Variants in PDE2A observed in about 807,000 individuals in gnomAD.
The protein encoded by PDE2A is phosphodiesterase 2A, also known as cGMP-dependent 3',5'-cyclic phosphodiesterase.
In PDE2A, 53 loss-of-function variants were observed where a neutral mutation model predicts 133.6. The observed-to-expected ratio is 0.40, with a 90% CI of 0.32 to 0.50. The LOEUF is 0.50. Among genes scored for constraint, PDE2A ranks in the 20% least tolerant of loss-of-function variants. The pLI is 0.73. For missense variants in PDE2A, 796 were observed against 1,232.4 expected, an observed-to-expected ratio of 0.65 and a Z score of 5.30; for synonymous variants, 491 against 490.2, an observed-to-expected ratio of 1.00 and a Z score of -0.02.
At chr11:72,668,196 C>T (rs1855292664) in intron 1 of PDE2A, 2 of 714,168 alleles carry the variant, frequency 2.8e-6, no homozygotes, top group Non-Finnish European at 2.6e-6. Flanking sequence ...TAGTTGTCCA[C>T]ATCTTGCCTG....
rs1246704238 is a variant in PDE2A at position 72,584,320 on chromosome 11, A to C, written c.1538-7T>G. The C allele has an allele frequency of 6.3e-7, 1 of 1,575,792 alleles. No individual in the cohort carries two copies. The highest frequency in any genetic ancestry group is 1.7e-5 in the Admixed American group (1 of 59,912). On this transcript the variant is annotated splice_polypyrimidine_tract_variant and splice_region_variant and intron_variant, in intron 18 of 30. Transcript: ENST00000334456. The stretch of plus-strand genomic sequence containing the variant: ...TCGGCCACACCGATGACCTCTGGGG[A>C]AGGGAGAGGGGCAAGGAACCACCGG...
chr11:72,584,547 G>A lies in PDE2A; in HGVS notation c.1537+4C>T. The A allele has an allele frequency of 3.7e-6, 6 of 1,602,268 alleles. No homozygotes were observed. Among genetic ancestry groups the A allele is most frequent in the Non-Finnish European group, 5.1e-6 (6 of 1,175,368 alleles). On this transcript the variant is annotated splice_donor_region_variant and intron_variant, in intron 18 of 30. Coordinates refer to ENST00000334456, the MANE Select transcript of PDE2A (RefSeq NM_002599.5). Reference sequence around the variant, plus strand: ...CGCCCCTCCGCCCGGGCCGCCACGCGCACCCTGGTTCTCGTTCTTGATGGG... The same window carrying A: ...CGCCCCTCCGCCCGGGCCGCCACGCACACCCTGGTTCTCGTTCTTGATGGG...
intron 4 of PDE2A, chr11:72,598,961 G>A (rs1856609852): frequency 1.0e-6 from 1 of 985,248 alleles, no homozygotes. Context: ...GAGGGACGTA[G>A]GGTGGCAGGA....
At chr11:72,620,133 A>G (rs945008148) in intron 2 of PDE2A, among the ~76,000 whole-genome samples, 1 of 152,202 alleles carries the variant, frequency 6.6e-6, no homozygotes, top group African/African-American at 2.4e-5. Flanking sequence ...TTGGCCTTGC[A>G]GGTGACCAAG....
chr11:72,581,215 C>CA, intron 23 of PDE2A, 142 bp downstream of exon 23: 1 of 867,216 alleles, frequency 1.2e-6, no homozygotes, highest in East Asian at 2.6e-5. Flanking sequence ...ATGGGGCTCA[C>CA]AGCCTTCCCC....
Position 72,590,713 on chromosome 11 carries a change from C to T in PDE2A, c.550-133G>A. The stretch of plus-strand genomic sequence containing the variant: ...GGGACCCCGCCGCCGTCCCAAACAC[C>T]TCATCCCTGGACTCTACCTTCCTGA... On this transcript the variant is annotated intron_variant, in intron 7 of 30. Coordinates refer to ENST00000334456, the MANE Select transcript of PDE2A (RefSeq NM_002599.5). The surrounding 1 kb of genome is among the most constrained non-coding windows in gnomAD (Gnocchi z 4.8). The T allele has an allele frequency of 1.2e-6, 1 of 833,520 alleles. No individual in the cohort carries two copies. The highest frequency in any genetic ancestry group is 1.7e-6 in the Non-Finnish European group (1 of 589,238). 51.6% of individuals were successfully genotyped at this position (833,520 alleles called of 1,614,324 possible). A position where few individuals can be genotyped will look rare whatever the true frequency, so the allele number is the denominator to read the frequency against.
intron 2 of PDE2A, among the ~76,000 whole-genome samples, chr11:72,611,445 A>G (rs1857207592): frequency 6.6e-6 from 1 of 152,130 alleles, no homozygotes; most frequent in Non-Finnish European, 1.5e-5. Context: ...GGACTCCTCA[A>G]CCTGCCCTTT....
chr11:72,634,786 C>G (rs1277931487), intron 2 of PDE2A, among the ~76,000 whole-genome samples: 2 of 152,240 alleles, frequency 1.3e-5, no homozygotes, highest in Admixed American at 6.5e-5. Flanking sequence ...TTCCTTGACC[C>G]CTTCTCACTG....
chr11:72,599,092 C>T (rs530952795), intron 4 of PDE2A: 1,276 of 951,212 alleles, frequency 1.3e-3, no homozygotes, highest in Non-Finnish European at 1.5e-3. Flanking sequence ...TCTGGTTAAC[C>T]GGAGGCCACA....
At chr11:72,645,217 G>T (rs896969169) in intron 1 of PDE2A, among the ~76,000 whole-genome samples, 1 of 152,162 alleles carries the variant, frequency 6.6e-6, no homozygotes, top group Non-Finnish European at 1.5e-5. Flanking sequence ...CTGTGCCATA[G>T]ACTTGCTGTG....
At chr11:72,673,155 A>AT (rs1855421633) in intron 1 of PDE2A, among the ~76,000 whole-genome samples, 1 of 152,098 alleles carries the variant, frequency 6.6e-6, no homozygotes, top group African/African-American at 2.4e-5. Flanking sequence ...ACAGATAAAA[A>AT]ATGCACACTG....
chr11:72,578,608 C>T lies in PDE2A; in HGVS notation c.2470-94G>A. 9.1e-7 allele frequency: 1 copy of T among 1,103,128 alleles called. No individual in the cohort carries two copies. Among genetic ancestry groups the T allele is most frequent in the South Asian group, 1.3e-5 (1 of 77,560 alleles). The allele number at this position is 1,103,128 out of a possible 1,614,324, so 68.3% of individuals were successfully genotyped here. A position where few individuals can be genotyped will look rare whatever the true frequency, so the allele number is the denominator to read the frequency against. On this transcript the variant is annotated intron_variant, in intron 28 of 30. Coordinates refer to ENST00000334456, the MANE Select transcript of PDE2A (RefSeq NM_002599.5). This position sits in a 1 kb window ranked among gnomAD's most constrained non-coding sequence, Gnocchi z 4.2. ...GTTCCCAGGAGAGAAAACTGAGGCCCAGGGATTCAGTCCCAGCTCAGGAGC... is the reference window on the plus strand; with the variant it reads ...GTTCCCAGGAGAGAAAACTGAGGCCTAGGGATTCAGTCCCAGCTCAGGAGC...
intron 2 of PDE2A, chr11:72,630,941 C>T (rs1367686432): frequency 7.4e-6 from 5 of 679,168 alleles, no homozygotes; most frequent in African/African-American, 3.6e-5. Context: ...AGGGGTGGTC[C>T]TAGTCTGGAG....
chr11:72,663,396 CAT>C (rs1855131381), intron 1 of PDE2A, among the ~76,000 whole-genome samples: 1 of 152,192 alleles, frequency 6.6e-6, no homozygotes, highest in Non-Finnish European at 1.5e-5. Flanking sequence ...AGATAATGCG[CAT>C]ATGAGTCCAC....
chr11:72,644,081 A>AC (rs1244371875), intron 1 of PDE2A, among the ~76,000 whole-genome samples: 1 of 151,594 alleles, frequency 6.6e-6, no homozygotes, highest in Non-Finnish European at 1.5e-5. Context: ...TGCCCATGCC[A>AC]CCCCACCCCC....
At chr11:72,599,128 G>C in intron 4 of PDE2A, 1 of 640,554 alleles carries the variant, frequency 1.6e-6, no homozygotes, top group Non-Finnish European at 1.9e-6. Context: ...TTGCGTTGCT[G>C]GTCAGTGCGC....
At chr11:72,617,510 C>A (rs553677691) in intron 2 of PDE2A, among the ~76,000 whole-genome samples, 55 of 152,342 alleles carry the variant, frequency 3.6e-4, no homozygotes, top group African/African-American at 1.3e-3. Flanking sequence ...CTGTGCTCTG[C>A]GGCATGTGTG....
At chr11:72,628,475 C>T (rs921777096) in intron 2 of PDE2A, among the ~76,000 whole-genome samples, 15 of 152,058 alleles carry the variant, frequency 9.9e-5, no homozygotes, top group Admixed American at 2.6e-4. Flanking sequence ...GGACTACAGG[C>T]GCCCACCACC....
intron 6 of PDE2A, among the ~76,000 whole-genome samples, chr11:72,593,217 CAA>C (rs747888467): frequency 1.3e-5 from 2 of 151,966 alleles, no homozygotes; most frequent in Non-Finnish European, 2.9e-5. Flanking sequence ...GTCACAGACA[CAA>C]AGACATCCAC....
Sources: gnomAD v4.1 joint callset for allele counts (sites outside exome capture counted in the v4.1 genomes callset) on GRCh38, gnomAD v4.1.1 for gene constraint, Gnocchi (gnomAD v3.1) non-coding constraint, MANE v1.5 for transcripts, NCBI Gene and HGNC (gene_info 2026-07-23, HGNC 2026-07-21) for gene names.